The following ADARB2 variants were observed in gnomAD, a reference collection of about 807,000 sequenced individuals.
The protein encoded by ADARB2 is adenosine deaminase RNA specific B2 (inactive).
A neutral mutation model predicts 62.2 loss-of-function variants in ADARB2; 25 were observed. The ratio of observed to expected loss-of-function variants is 0.40; its 90% CI spans 0.29 to 0.56. The LOEUF is 0.56. Among genes scored for constraint, ADARB2 ranks in the 20% least tolerant of loss-of-function variants. The pLI is 0.43. For missense variants in ADARB2, 1,071 were observed against 1,077.4 expected (o/e 0.99, Z 0.08); for synonymous variants, 572 against 500.8 (o/e 1.14, Z -1.90).
chr10:1,225,897 C>T (rs1830741365), intron 6 of ADARB2, among the ~76,000 whole-genome samples: 1 of 151,980 alleles, frequency 6.6e-6, no homozygotes, highest in African/African-American at 2.4e-5. Flanking sequence ...CTTGGAGCTG[C>T]TCTTCTCGAG....
intron 3 of ADARB2, among the ~76,000 whole-genome samples, chr10:1,334,531 T>A (rs553018122): frequency 2.6e-5 from 4 of 152,370 alleles, no homozygotes; most frequent in South Asian, 2.1e-4. Flanking sequence ...TACATATATA[T>A]AAATGCATTT....
intron 1 of ADARB2, among the ~76,000 whole-genome samples, chr10:1,496,096 C>T (rs1380147196): frequency 6.6e-6 from 1 of 151,602 alleles, no homozygotes; most frequent in Non-Finnish European, 1.5e-5. Context: ...TCACCATCAT[C>T]ATCGTCATCA....
intron 4 of ADARB2, among the ~76,000 whole-genome samples, chr10:1,245,967 G>A (rs1328668969): frequency 4.6e-5 from 7 of 151,668 alleles, no homozygotes; most frequent in African/African-American, 1.7e-4. Flanking sequence ...GGGTAAAAGT[G>A]TTCCTATTTC....
At chr10:1,407,721 C>A (rs1472448540) in intron 1 of ADARB2, among the ~76,000 whole-genome samples, 2 of 152,210 alleles carry the variant, frequency 1.3e-5, no homozygotes, top group Non-Finnish European at 2.9e-5. Context: ...TGAGAGAGCT[C>A]AACCTGCTTC....
At chr10:1,663,558 T>C (rs1404865893) in intron 1 of ADARB2, among the ~76,000 whole-genome samples, 1 of 152,214 alleles carries the variant, frequency 6.6e-6, no homozygotes, top group Non-Finnish European at 1.5e-5. Flanking sequence ...GCAGATGGGC[T>C]TCTTTCACTT....
intron 1 of ADARB2, among the ~76,000 whole-genome samples, chr10:1,603,137 A>G (rs939962448): frequency 6.6e-6 from 1 of 151,022 alleles, no homozygotes; most frequent in Non-Finnish European, 1.5e-5. Context: ...ATACACACAT[A>G]AACACACACA....
At chr10:1,731,736 C>T (rs1276557439) in intron 1 of ADARB2, among the ~76,000 whole-genome samples, 1 of 152,222 alleles carries the variant, frequency 6.6e-6, no homozygotes, top group Non-Finnish European at 1.5e-5. Context: ...TTCTCGGCCA[C>T]ACACCAGGCA....
chr10:1,714,960 T>C (rs892969817), intron 1 of ADARB2, among the ~76,000 whole-genome samples: 1 of 151,868 alleles, frequency 6.6e-6, no homozygotes, highest in Non-Finnish European at 1.5e-5. Flanking sequence ...CATTAACTGG[T>C]CATTTAGCAT....
intron 3 of ADARB2, among the ~76,000 whole-genome samples, chr10:1,331,356 T>A (rs1831926092): frequency 6.6e-6 from 1 of 152,190 alleles, no homozygotes; most frequent in East Asian, 1.9e-4. Flanking sequence ...GACCCAAATG[T>A]TGGATGGATC....
intron 1 of ADARB2, among the ~76,000 whole-genome samples, chr10:1,408,686 G>A (rs1416549534): frequency 6.6e-6 from 1 of 152,120 alleles, no homozygotes; most frequent in African/African-American, 2.4e-5. Flanking sequence ...TGGTAACCAG[G>A]GAGGCTCGGC....
chr10:1,455,864 T>C (rs972811946), intron 1 of ADARB2, among the ~76,000 whole-genome samples: 20 of 152,282 alleles, frequency 1.3e-4, no homozygotes, highest in Middle Eastern at 3.4e-3. Context: ...ACCACACAAA[T>C]ACGTCTTCCA....
At chr10:1,435,889 G>C (rs942412434) in intron 1 of ADARB2, among the ~76,000 whole-genome samples, 7 of 152,190 alleles carry the variant, frequency 4.6e-5, no homozygotes, top group Non-Finnish European at 1.0e-4. Context: ...TATAGAAAGG[G>C]ATGGGTAACC....
chr10:1,496,475 A>T (rs572919792), intron 1 of ADARB2, among the ~76,000 whole-genome samples: 94 of 152,164 alleles, frequency 6.2e-4, no homozygotes, highest in Non-Finnish European at 1.0e-3. Context: ...CACCATCATC[A>T]TCATTGTCAT....
intron 3 of ADARB2, among the ~76,000 whole-genome samples, chr10:1,348,296 A>T (rs1264107324): frequency 6.6e-6 from 1 of 152,174 alleles, no homozygotes; most frequent in Admixed American, 6.5e-5. Flanking sequence ...TGGAAAGCTG[A>T]TTCAGGAAGG....
intron 4 of ADARB2, among the ~76,000 whole-genome samples, chr10:1,246,367 T>C (rs1830986585): frequency 7.5e-6 from 1 of 133,366 alleles, no homozygotes; most frequent in African/African-American, 2.9e-5. Context: ...CAATTTTGTC[T>C]TTTGTTGCCA....
rs935814123 is a variant in ADARB2 at position 1,674,583 on chromosome 10, T to C, written c.100+62468A>G. 6.6e-5 allele frequency among the ~76,000 whole-genome samples: 10 copies of C among 150,790 alleles called. No homozygotes were observed. The South Asian group carries it at 1.0e-3, about 16-fold the overall frequency. ...TCGTTGGCCAAAAACCTCAAGTTAC[T>C]CCTGTCAAGCCCTTTGGTTGTGTTG... On this transcript the variant is annotated intron_variant, in intron 1 of 9. Coordinates refer to ENST00000381312, the MANE Select transcript of ADARB2 (RefSeq NM_018702.4).
intron 1 of ADARB2, among the ~76,000 whole-genome samples, chr10:1,407,340 C>G (rs566469040): frequency 8.5e-5 from 13 of 152,266 alleles, no homozygotes; most frequent in African/African-American, 3.1e-4. Flanking sequence ...GTCCCGGGTC[C>G]GACGTCTCCG....
chr10:1,380,326 A>G (rs925242525), intron 1 of ADARB2, among the ~76,000 whole-genome samples: 6 of 152,246 alleles, frequency 3.9e-5, no homozygotes, highest in Non-Finnish European at 7.3e-5. Flanking sequence ...GGTATTGGCT[A>G]CTTTGCTAAG....
intron 3 of ADARB2, among the ~76,000 whole-genome samples, chr10:1,336,377 AC>A (rs1189546936): frequency 1.3e-5 from 2 of 152,176 alleles, no homozygotes; most frequent in Admixed American, 6.6e-5. Context: ...TGTCTTAAAT[AC>A]CCGGTTCCTA....
Sources: gnomAD v4.1 joint callset for allele counts (sites outside exome capture counted in the v4.1 genomes callset) on GRCh38, gnomAD v4.1.1 for gene constraint, MANE v1.5 for transcripts, NCBI Gene and HGNC (gene_info 2026-07-23, HGNC 2026-07-21) for gene names.